CALCR: variants seen among roughly 807,000 people sequenced by gnomAD.
The protein encoded by CALCR is calcitonin receptor.
Under a neutral mutation model 59.5 loss-of-function variants are expected in CALCR, and 47 were observed. The ratio of observed to expected loss-of-function variants is 0.79; its 90% CI spans 0.63 to 1.01. The LOEUF is 1.01. Ranked by LOEUF, CALCR falls within the 50% of genes least tolerant of loss-of-function variation. The pLI, the probability that CALCR is intolerant of heterozygous loss-of-function variation, is 0.00. For missense variants in CALCR, 566 were observed against 597.1 expected, an observed-to-expected ratio of 0.95 and a Z score of 0.54; for synonymous variants, 213 against 211.3, an observed-to-expected ratio of 1.01 and a Z score of -0.07.
At chr7:93,427,722 G>A (rs1799560285) in intron 13 of CALCR, among the ~76,000 whole-genome samples, 1 of 152,000 alleles carries the variant, frequency 6.6e-6, no homozygotes, top group Non-Finnish European at 1.5e-5. Flanking sequence ...TATAATATAA[G>A]GCTGAATGGT....
chr7:93,531,032 G>T (rs1010592005), intron 2 of CALCR, among the ~76,000 whole-genome samples: 1 of 152,014 alleles, frequency 6.6e-6, no homozygotes, highest in Non-Finnish European at 1.5e-5. Flanking sequence ...GAGAATCTTT[G>T]CTATAAGTTA....
rs764165898 is a variant in CALCR, at chr7:93,487,110, A to G, written c.-26-103T>C. 37 of 620,730 alleles carry G rather than the reference A, an allele frequency of 6.0e-5. 1 individual carries two copies. Among genetic ancestry groups the G allele is most frequent in the Middle Eastern group, 4.3e-4 (1 of 2,312 alleles). 38.5% of individuals were successfully genotyped at this position (620,730 alleles called of 1,614,324 possible). A position where few individuals can be genotyped will look rare whatever the true frequency, so the allele number is the denominator to read the frequency against. Reference sequence around the variant, plus strand: ...TCTATTTGACTTAAAGAGGATCAACATCCCAAGACACCCTAAAAAACACAC... The same window carrying G: ...TCTATTTGACTTAAAGAGGATCAACGTCCCAAGACACCCTAAAAAACACAC... On this transcript the variant is annotated intron_variant, in intron 2 of 13. Coordinates refer to ENST00000426151, the MANE Select transcript of CALCR (RefSeq NM_001742.4).
chr7:93,522,460 T>C (rs574360511), intron 2 of CALCR, among the ~76,000 whole-genome samples: 1 of 152,304 alleles, frequency 6.6e-6, no homozygotes, highest in African/African-American at 2.4e-5. Flanking sequence ...TACTTGCACA[T>C]AGGTGTGTTC....
chr7:93,517,304 CTTTTT>C (rs753908420), intron 2 of CALCR, among the ~76,000 whole-genome samples: 7 of 147,240 alleles, frequency 4.8e-5, no homozygotes, highest in African/African-American at 1.5e-4. Flanking sequence ...GATTTGAGAA[CTTTTT>C]TTTTTTAATT....
intron 2 of CALCR, chr7:93,495,938 G>A: frequency 1.3e-6 from 2 of 1,528,038 alleles, no homozygotes; most frequent in Non-Finnish European, 1.8e-6. Flanking sequence ...GCATCCTGGG[G>A]TGGCAAAAGT....
chr7:93,486,797 C>T, intron 3 of CALCR, 134 bp downstream of exon 3: 2 of 676,318 alleles, frequency 3.0e-6, no homozygotes, highest in South Asian at 1.7e-5. Flanking sequence ...AAAATAATGG[C>T]TTTGAGGAAC....
intron 13 of CALCR, among the ~76,000 whole-genome samples, chr7:93,429,729 G>A: frequency 6.6e-6 from 1 of 151,918 alleles, no homozygotes; most frequent in Non-Finnish European, 1.5e-5. Flanking sequence ...CGGAATAGAA[G>A]GTGAGGTTTA....
intron 2 of CALCR, among the ~76,000 whole-genome samples, chr7:93,561,320 T>A: frequency 6.6e-6 from 1 of 152,172 alleles, no homozygotes; most frequent in East Asian, 1.9e-4. Flanking sequence ...CCTGCATCCT[T>A]GAAAATTCTT....
At chr7:93,548,199 T>C (rs567631589) in intron 2 of CALCR, among the ~76,000 whole-genome samples, 83 of 152,284 alleles carry the variant, frequency 5.5e-4, no homozygotes, top group African/African-American at 1.8e-3. Flanking sequence ...TCTCCCACTT[T>C]ACAAAAGAAC....
At chr7:93,512,104 A>G (rs1167589622) in intron 2 of CALCR, among the ~76,000 whole-genome samples, 2 of 152,164 alleles carry the variant, frequency 1.3e-5, no homozygotes, top group Admixed American at 6.6e-5. Flanking sequence ...TGCAGTTCCC[A>G]TTAACTATGG....
intron 7 of CALCR, among the ~76,000 whole-genome samples, chr7:93,462,368 G>A (rs943574150): frequency 2.0e-5 from 3 of 152,078 alleles, no homozygotes; most frequent in African/African-American, 7.2e-5. Flanking sequence ...CAGTACAGAA[G>A]TCTGTTAAAT....
chr7:93,532,440 G>C (rs1276472222), intron 2 of CALCR, among the ~76,000 whole-genome samples: 1 of 152,010 alleles, frequency 6.6e-6, no homozygotes, highest in Non-Finnish European at 1.5e-5. Context: ...AGGCAGAGTA[G>C]AGTAAAGTTC....
chr7:93,513,681 A>T (rs1801595701), intron 2 of CALCR, among the ~76,000 whole-genome samples: 1 of 152,088 alleles, frequency 6.6e-6, no homozygotes, highest in African/African-American at 2.4e-5. Context: ...TTCTCATTTG[A>T]AAAATGGAGA....
chr7:93,466,022 A>T (rs1411023191), intron 7 of CALCR, among the ~76,000 whole-genome samples: 2 of 151,796 alleles, frequency 1.3e-5, no homozygotes, highest in Non-Finnish European at 2.9e-5. Context: ...CTTTACAGTG[A>T]GATTTCAATG....
chr7:93,483,904 C>A (rs1244538556), intron 3 of CALCR: 3 of 449,354 alleles, frequency 6.7e-6, no homozygotes, highest in South Asian at 4.9e-5. Flanking sequence ...TTTCAACATA[C>A]AAACAAACAA....
intron 7 of CALCR, among the ~76,000 whole-genome samples, chr7:93,461,495 T>C (rs10230327): frequency 0.062 from 9,433 of 152,178 alleles, 936 homozygotes; most frequent in African/African-American, 0.21. Flanking sequence ...ATCTTATATT[T>C]CAACTAGAAT....
In CALCR at chr7:93,484,151, G is replaced by C. The variant is rs143494276; in HGVS notation, c.51+2780C>G. ...AGTGAACCAAACTGGCAAGCCACCTGCTCTCATAGAGCTTACATTCTTGAT... is the reference window on the plus strand; with the variant it reads ...AGTGAACCAAACTGGCAAGCCACCTCCTCTCATAGAGCTTACATTCTTGAT... On this transcript the variant is annotated intron_variant, in intron 3 of 13. Transcript: ENST00000426151. 56 of 285,708 alleles carry C rather than the reference G, an allele frequency of 2.0e-4. No homozygotes were observed. In the East Asian group the frequency reaches 4.4e-3, roughly 22 times the overall value. 17.7% of individuals were successfully genotyped at this position (285,708 alleles called of 1,614,324 possible). A position where few individuals can be genotyped will look rare whatever the true frequency, so the allele number is the denominator to read the frequency against.
chr7:93,446,643 A>G (rs1176746481), intron 8 of CALCR, among the ~76,000 whole-genome samples: 1 of 152,008 alleles, frequency 6.6e-6, no homozygotes, highest in Non-Finnish European at 1.5e-5. Flanking sequence ...AGGGTGGAGT[A>G]AACCAGGCAT....
intron 2 of CALCR, among the ~76,000 whole-genome samples, chr7:93,520,852 A>AT (rs1418116132): frequency 6.6e-6 from 1 of 152,088 alleles, no homozygotes. Flanking sequence ...CAAAGACCAA[A>AT]TTTTGGTGAG....
Sources: allele counts gnomAD v4.1 joint callset (sites outside exome capture counted in the v4.1 genomes callset), GRCh38; gene constraint gnomAD v4.1.1; transcripts MANE v1.5; gene names NCBI Gene and HGNC (gene_info 2026-07-23, HGNC 2026-07-21).